The following DMD variants were observed in gnomAD, a reference collection of about 807,000 sequenced individuals.
DMD encodes the protein dystrophin, also known as mutant dystrophin.
In DMD, 63 loss-of-function variants were observed where a neutral mutation model predicts 330.1. The ratio of observed to expected loss-of-function variants is 0.19; its 90% CI spans 0.16 to 0.24. DMD has a LOEUF of 0.24. Ranked by LOEUF, DMD falls within the 10% of genes least tolerant of loss-of-function variation. DMD has a pLI of 1.00. For synonymous variants in DMD, 1,223 were observed against 959.8 expected (o/e 1.27, Z -5.07); for missense variants, 3,344 against 2,684.1 (o/e 1.25, Z -5.43).
intron 7 of DMD, among the ~76,000 whole-genome samples, chrX:32,786,660 C>T (rs1393271807): frequency 3.6e-5 from 4 of 111,578 alleles, no homozygotes; most frequent in African/African-American, 1.3e-4. Context: ...AAAACAAACC[C>T]AATTAGCCCT....
At chrX:31,632,537 A>G (rs1453123072) in intron 54 of DMD, among the ~76,000 whole-genome samples, 2 of 111,866 alleles carry the variant, frequency 1.8e-5, no homozygotes, top group Non-Finnish European at 3.8e-5. Flanking sequence ...AATCACATAA[A>G]ATACTCTGAA....
chrX:31,173,841 T>G (rs1046964381), intron 71 of DMD, among the ~76,000 whole-genome samples: 1 of 112,117 alleles, frequency 8.9e-6, no homozygotes, highest in Non-Finnish European at 1.9e-5. Context: ...GCCAAAATCT[T>G]CTCTGGAAAA....
intron 62 of DMD, among the ~76,000 whole-genome samples, chrX:31,322,971 T>C (rs2056531175): frequency 8.9e-6 from 1 of 111,944 alleles, no homozygotes; most frequent in African/African-American, 3.2e-5. Flanking sequence ...CTCTTCCACG[T>C]TGACCCAATG....
chrX:32,081,476 T>C (rs993479709), intron 44 of DMD, among the ~76,000 whole-genome samples: 21 of 112,378 alleles, frequency 1.9e-4, no homozygotes, highest in African/African-American at 6.2e-4. Context: ...CTTCTCTTTC[T>C]GTCCAATCCT....
chrX:32,408,576 C>T, intron 30 of DMD, among the ~76,000 whole-genome samples: 1 of 111,422 alleles, frequency 9.0e-6, no homozygotes, highest in Non-Finnish European at 1.9e-5. Context: ...ACTCTCAGTG[C>T]ACCACACGGT....
chrX:32,115,693 T>C (rs2096607704), intron 44 of DMD, among the ~76,000 whole-genome samples: 1 of 111,741 alleles, frequency 8.9e-6, no homozygotes, highest in South Asian at 3.7e-4. Flanking sequence ...ACCCTAACTT[T>C]TTCCTCCTCC....
intron 45 of DMD, among the ~76,000 whole-genome samples, chrX:31,956,202 G>T (rs2095244643): frequency 8.9e-6 from 1 of 111,952 alleles, no homozygotes; most frequent in African/African-American, 3.3e-5. Context: ...AGATCTGTGA[G>T]ACAGAAGGGA....
chrX:32,855,155 G>C (rs2081443875), intron 2 of DMD, among the ~76,000 whole-genome samples: 1 of 111,332 alleles, frequency 9.0e-6, no homozygotes, highest in Non-Finnish European at 1.9e-5. Flanking sequence ...CTCAAAACTG[G>C]GTATAGAAGC....
chrX:31,609,509 G>A (rs943895784), intron 55 of DMD, among the ~76,000 whole-genome samples: 4 of 90,248 alleles, frequency 4.4e-5, no homozygotes, highest in African/African-American at 1.8e-4. Context: ...GTGCATGCAC[G>A]TGTGTGTGCG....
intron 19 of DMD, among the ~76,000 whole-genome samples, chrX:32,495,405 C>A (rs1370924899): frequency 9.0e-6 from 1 of 111,616 alleles, no homozygotes; most frequent in African/African-American, 3.3e-5. Context: ...AGCCAAAAGC[C>A]ATACACAAAC....
At chrX:32,996,597 C>T (rs902028992) in intron 2 of DMD, among the ~76,000 whole-genome samples, 4 of 111,120 alleles carry the variant, frequency 3.6e-5, no homozygotes, top group African/African-American at 9.8e-5. Flanking sequence ...CAGAGGCGGG[C>T]GGGTCACCTG....
chrX:31,433,447 T>C lies in DMD; in HGVS notation c.9084+11034A>G, dbSNP rs755880058. 1.7e-3 allele frequency among the ~76,000 whole-genome samples: 181 copies of C among 108,192 alleles called. 1 individual carries two copies. The highest frequency in any genetic ancestry group is 5.9e-3 in the African/African-American group (170 of 28,888). 94.0% of individuals were successfully genotyped at this position (108,192 alleles called of 115,157 possible). On this transcript the variant is annotated intron_variant, in intron 60 of 78. Transcript: ENST00000357033. ...GTGCTGGGTCAAATGGTAGTTCTTT[T>C]TTTTCTTTCTTTCTTTTTTTTTTTT...
chrX:32,560,031 T>G (rs974057934), intron 16 of DMD, among the ~76,000 whole-genome samples: 2 of 111,008 alleles, frequency 1.8e-5, no homozygotes, highest in African/African-American at 6.5e-5. Flanking sequence ...TTGAGAATGT[T>G]GCAAAAATTG....
intron 55 of DMD, among the ~76,000 whole-genome samples, chrX:31,565,647 TG>T (rs1314706047): frequency 1.8e-5 from 2 of 111,663 alleles, no homozygotes; most frequent in African/African-American, 6.5e-5. Flanking sequence ...GTGCAATTGC[TG>T]GGTTGTATGG....
intron 15 of DMD, among the ~76,000 whole-genome samples, chrX:32,566,800 G>A (rs2051771998): frequency 9.0e-6 from 1 of 111,367 alleles, no homozygotes; most frequent in Non-Finnish European, 1.9e-5. Context: ...TTCAATTCCT[G>A]GGTACTGAAC....
At chrX:31,938,744 A>C (rs1318795232) in intron 45 of DMD, among the ~76,000 whole-genome samples, 2 of 112,022 alleles carry the variant, frequency 1.8e-5, no homozygotes, top group Non-Finnish European at 3.8e-5. Context: ...TGTTATGTAA[A>C]GACAGCTTTA....
At chrX:32,946,172 T>A (rs2090791124) in intron 2 of DMD, among the ~76,000 whole-genome samples, 1 of 111,607 alleles carries the variant, frequency 9.0e-6, no homozygotes, top group African/African-American at 3.2e-5. Flanking sequence ...TGTTTAGTTC[T>A]CTTATTTTCC....
intron 44 of DMD, among the ~76,000 whole-genome samples, chrX:32,203,169 T>G (rs1407034937): frequency 2.7e-5 from 3 of 112,448 alleles, no homozygotes; most frequent in African/African-American, 6.5e-5. Context: ...TGAGGTCATC[T>G]CTTCTGTTTC....
intron 55 of DMD, among the ~76,000 whole-genome samples, chrX:31,530,647 CTTTTTTTTTTTTTTTTTTTTTTAATTTTT>C (rs1269653723): frequency 2.0e-5 from 1 of 49,820 alleles, no homozygotes; most frequent in African/African-American, 7.8e-5. Flanking sequence ...ACTGGTTTCT[CTTTTTTTTTTTTTTTTTTTTTTAATTTTT>C]TTTTTTTTTT....
Sources: allele counts gnomAD v4.1 joint callset (sites outside exome capture counted in the v4.1 genomes callset), GRCh38; gene constraint gnomAD v4.1.1; transcripts MANE v1.5; gene names NCBI Gene and HGNC (gene_info 2026-07-23, HGNC 2026-07-21).